WWOX: variants seen among roughly 807,000 people sequenced by gnomAD.
WWOX encodes WW domain-containing oxidoreductase.
WWOX carries 69 observed loss-of-function variants against 46.2 expected under a neutral mutation model. That is an observed-to-expected ratio of 1.49 (90% CI 1.23 to 1.82). The LOEUF (loss-of-function observed/expected upper bound fraction) is 1.82, where lower values mean the gene tolerates loss of function less well. Among genes scored for constraint, WWOX ranks in the 40% most tolerant of loss-of-function variants. The probability of loss-of-function intolerance (pLI) is 0.00; values close to 1 mark genes in which losing one functional copy is unlikely to be tolerated. For missense variants in WWOX, 919 were observed against 542.6 expected (o/e 1.69, Z -6.89); for synonymous variants, 359 against 202.6 (o/e 1.77, Z -6.56).
At chr16:78,152,950 T>G (rs1567601494) in intron 4 of WWOX, among the ~76,000 whole-genome samples, 2 of 152,214 alleles carry the variant, frequency 1.3e-5, no homozygotes, top group South Asian at 4.1e-4. Context: ...ATTAGGGCTA[T>G]TTAGGAAGCT....
chr16:78,377,910 A>C (rs1387167067), intron 5 of WWOX, among the ~76,000 whole-genome samples: 1 of 152,188 alleles, frequency 6.6e-6, no homozygotes, highest in Non-Finnish European at 1.5e-5. Context: ...TTCCAGCAAC[A>C]CAAGGCAAAA....
At chr16:78,894,768 C>T (rs888624716) in intron 8 of WWOX, among the ~76,000 whole-genome samples, 3 of 152,072 alleles carry the variant, frequency 2.0e-5, no homozygotes. Context: ...AAAATCATGC[C>T]TTGAAGATGT....
At chr16:78,579,760 G>C (rs1228121337) in intron 8 of WWOX, among the ~76,000 whole-genome samples, 1 of 152,080 alleles carries the variant, frequency 6.6e-6, no homozygotes, top group East Asian at 1.9e-4. Context: ...GCCTTGCTAG[G>C]TAGTTGTGAG....
intron 8 of WWOX, among the ~76,000 whole-genome samples, chr16:78,533,066 A>AG (rs1207595282): frequency 2.0e-5 from 3 of 152,266 alleles, no homozygotes; most frequent in Middle Eastern, 3.4e-3. Flanking sequence ...GGAGCCAGAC[A>AG]GATGGGAGTA....
chr16:78,423,562 A>G (rs1340545680), intron 6 of WWOX, among the ~76,000 whole-genome samples: 1 of 152,264 alleles, frequency 6.6e-6, no homozygotes, highest in Middle Eastern at 3.4e-3. Flanking sequence ...CCTTACTTGT[A>G]TTGTTAACAA....
chr16:79,188,691 C>G (rs1341621131), intron 8 of WWOX, among the ~76,000 whole-genome samples: 3 of 152,228 alleles, frequency 2.0e-5, no homozygotes, highest in Admixed American at 2.0e-4. Flanking sequence ...TCCTCCAAGT[C>G]TCTTAGCACA....
chr16:78,797,139 T>C lies in WWOX; in HGVS notation c.1056+364387T>C, dbSNP rs146473269. On this transcript the variant is annotated intron_variant, in intron 8 of 8. Transcript: ENST00000566780. Reference sequence around the variant, plus strand: ...CTGTGCTGGGCCCCAACTTTCTTTATCAATAGAAGTGGGGAAATCGTACCT... The same window carrying C: ...CTGTGCTGGGCCCCAACTTTCTTTACCAATAGAAGTGGGGAAATCGTACCT... 2.3e-3 allele frequency among the ~76,000 whole-genome samples: 355 copies of C among 152,046 alleles called. 3 individuals carry two copies. The highest frequency in any genetic ancestry group is 3.9e-3 in the Non-Finnish European group (268 of 67,984).
At chr16:78,321,433 TAA>T (rs57053264) in intron 5 of WWOX, among the ~76,000 whole-genome samples, 11,179 of 140,904 alleles carry the variant, frequency 0.079, 1,248 homozygotes, top group Admixed American at 0.13. Context: ...TATATATATA[TAA>T]AAATATATTT....
At chr16:78,106,387 C>G (rs1250623241) in intron 1 of WWOX, among the ~76,000 whole-genome samples, 3 of 146,834 alleles carry the variant, frequency 2.0e-5, no homozygotes, top group Admixed American at 6.9e-5. Context: ...GTTATCCTTA[C>G]TAGAGAGCCA....
At chr16:78,626,089 T>A (rs2046304491) in intron 8 of WWOX, among the ~76,000 whole-genome samples, 1 of 152,072 alleles carries the variant, frequency 6.6e-6, no homozygotes, top group Admixed American at 6.5e-5. Context: ...ACCTAATGAC[T>A]TTTTTGTGTT....
intron 8 of WWOX, among the ~76,000 whole-genome samples, chr16:78,980,539 A>G (rs561907379): frequency 6.6e-6 from 1 of 152,128 alleles, no homozygotes; most frequent in Non-Finnish European, 1.5e-5. Context: ...CTAATAGTTT[A>G]TTTATTTATT....
intron 8 of WWOX, among the ~76,000 whole-genome samples, chr16:79,169,319 A>C (rs781668822): frequency 3.9e-4 from 60 of 152,316 alleles, no homozygotes; most frequent in Non-Finnish European, 6.5e-4. Flanking sequence ...CTTTGATCAC[A>C]AGATCAAGCC....
chr16:78,860,465 A>G (rs892035585), intron 8 of WWOX, among the ~76,000 whole-genome samples: 1 of 152,092 alleles, frequency 6.6e-6, no homozygotes, highest in African/African-American at 2.4e-5. Flanking sequence ...ACTTTGATTT[A>G]TTCATTTATG....
At chr16:78,208,417 C>T (rs187935109) in intron 5 of WWOX, among the ~76,000 whole-genome samples, 1 of 152,088 alleles carries the variant, frequency 6.6e-6, no homozygotes. Flanking sequence ...CGGTGAGAAA[C>T]TGCGTATTTA....
chr16:78,709,114 C>G (rs972622183), intron 8 of WWOX, among the ~76,000 whole-genome samples: 1 of 152,104 alleles, frequency 6.6e-6, no homozygotes, highest in Non-Finnish European at 1.5e-5. Flanking sequence ...TTTGAAGTTC[C>G]CTACTCTCCT....
chr16:78,258,863 G>A (rs549760196), intron 5 of WWOX, among the ~76,000 whole-genome samples: 1 of 152,026 alleles, frequency 6.6e-6, no homozygotes, highest in Admixed American at 6.6e-5. Flanking sequence ...AGAACATAAC[G>A]ACTTGCCTCA....
chr16:78,120,775 T>C (rs1425179943), intron 4 of WWOX, among the ~76,000 whole-genome samples: 1 of 152,176 alleles, frequency 6.6e-6, no homozygotes, highest in Non-Finnish European at 1.5e-5. Flanking sequence ...TGAATTCATA[T>C]CTTGTGCAAA....
At chr16:78,249,701 T>C (rs999438101) in intron 5 of WWOX, among the ~76,000 whole-genome samples, 15 of 152,188 alleles carry the variant, frequency 9.9e-5, no homozygotes, top group Non-Finnish European at 1.9e-4. Context: ...AAATGATCAT[T>C]TCAACAACAT....
intron 8 of WWOX, among the ~76,000 whole-genome samples, chr16:78,455,643 CAAAAA>C (rs57754374): frequency 2.1e-4 from 13 of 60,518 alleles, no homozygotes; most frequent in South Asian, 9.8e-4. Flanking sequence ...GACTCTGTCT[CAAAAA>C]AAAAAAAAAA....
Sources: gnomAD v4.1 joint callset for allele counts (sites outside exome capture counted in the v4.1 genomes callset) on GRCh38, gnomAD v4.1.1 for gene constraint, MANE v1.5 for transcripts, NCBI Gene and HGNC (gene_info 2026-07-23, HGNC 2026-07-21) for gene names.